SMAP1: variants seen among roughly 807,000 people sequenced by gnomAD.
SMAP1 encodes small ArfGAP 1.
A neutral mutation model predicts 58.5 loss-of-function variants in SMAP1; 24 were observed. That is an observed-to-expected ratio of 0.41 (90% CI 0.30 to 0.58). The LOEUF (loss-of-function observed/expected upper bound fraction) is 0.58. Among genes scored for constraint, SMAP1 ranks in the 20% least tolerant of loss-of-function variants. The pLI is 0.29. For missense variants in SMAP1, 563 were observed against 566.3 expected (o/e 0.99, Z 0.06); for synonymous variants, 216 against 196.6 (o/e 1.10, Z -0.82).
chr6:70,788,935 G>A (rs1377704474), intron 4 of SMAP1, among the ~76,000 whole-genome samples: 1 of 152,158 alleles, frequency 6.6e-6, no homozygotes, highest in Non-Finnish European at 1.5e-5. Context: ...AGACCAGTTA[G>A]GAGGACTAAT....
chr6:70,857,068 A>G (rs1381356179), intron 9 of SMAP1, 38 bp downstream of exon 9: 15 of 1,549,336 alleles, frequency 9.7e-6, no homozygotes, highest in Non-Finnish European at 1.3e-5. Context: ...TGACATTACT[A>G]GAAGTACATC....
intron 6 of SMAP1, among the ~76,000 whole-genome samples, chr6:70,809,355 T>G (rs1329768199): frequency 6.6e-6 from 1 of 152,212 alleles, no homozygotes; most frequent in Non-Finnish European, 1.5e-5. Flanking sequence ...TGAACAAACC[T>G]TTTATGTTAA....
intron 4 of SMAP1, among the ~76,000 whole-genome samples, chr6:70,786,037 C>T (rs1276086103): frequency 6.6e-6 from 1 of 152,142 alleles, no homozygotes; most frequent in Non-Finnish European, 1.5e-5. Context: ...GATGAACATA[C>T]ATGCAAAAAT....
At chr6:70,743,347 A>G (rs557715687) in intron 2 of SMAP1, among the ~76,000 whole-genome samples, 1 of 152,216 alleles carries the variant, frequency 6.6e-6, no homozygotes, top group East Asian at 1.9e-4. Flanking sequence ...TAGTTTTTCT[A>G]CCTATGCCTT....
At chr6:70,822,630 T>G (rs1284038479) in intron 6 of SMAP1, among the ~76,000 whole-genome samples, 1 of 152,184 alleles carries the variant, frequency 6.6e-6, no homozygotes, top group Admixed American at 6.5e-5. Flanking sequence ...GGGTATAATT[T>G]TTTGGCCTTT....
rs1247148860 is a variant in SMAP1 at position 70,860,909 on chromosome 6, C to G, written c.*575C>G. ...GATAAACGTGGATGTTACTCCAAAACTTCGTTTAATGAATGCTTAAAGAAT... is the reference window on the plus strand; with the variant it reads ...GATAAACGTGGATGTTACTCCAAAAGTTCGTTTAATGAATGCTTAAAGAAT... On this transcript the variant is annotated 3_prime_UTR_variant, in exon 11 of 11. Transcript: ENST00000370455. 2.6e-6 allele frequency: 1 copy of G among 386,516 alleles called. No individual in the cohort carries two copies. Among genetic ancestry groups the G allele is most frequent in the African/African-American group, 2.1e-5 (1 of 48,348 alleles). The allele number at this position is 386,516 out of a possible 1,614,324, so 23.9% of individuals were successfully genotyped here.
Position 70,725,093 on chromosome 6 carries a change from G to GTTTTTTTTTTTTTTTTTTTTTT in SMAP1, c.119-7265_119-7244dup. ...GACTCCATATCCTAAATTAACCAGT[G>GTTTTTTTTTTTTTTTTTTTTTT]TTTTTTTTTTTTTTTTTTTTTTTTT... On this transcript the variant is annotated intron_variant, in intron 1 of 10. Transcript: ENST00000370455. 4.2e-5 allele frequency among the ~76,000 whole-genome samples: 2 copies of GTTTTTTTTTTTTTTTTTTTTTT among 47,822 alleles called. 1 individual carries two copies. Among genetic ancestry groups the GTTTTTTTTTTTTTTTTTTTTTT allele is most frequent in the Non-Finnish European group, 8.0e-5 (2 of 24,998 alleles). 31.4% of individuals were successfully genotyped at this position (47,822 alleles called of 152,430 possible).
chr6:70,729,479 G>A (rs1765336428), intron 1 of SMAP1, among the ~76,000 whole-genome samples: 1 of 150,714 alleles, frequency 6.6e-6, no homozygotes, highest in Non-Finnish European at 1.5e-5. Flanking sequence ...GTGTGTGTGT[G>A]TGTGTGTGTG....
intron 6 of SMAP1, among the ~76,000 whole-genome samples, chr6:70,803,032 G>T (rs1401649034): frequency 6.6e-6 from 1 of 152,186 alleles, no homozygotes; most frequent in Non-Finnish European, 1.5e-5. Flanking sequence ...AAATGAGTTA[G>T]GGAGGATTCC....
At chr6:70,823,049 A>G (rs1769959444) in intron 6 of SMAP1, among the ~76,000 whole-genome samples, 1 of 152,014 alleles carries the variant, frequency 6.6e-6, no homozygotes, top group African/African-American at 2.4e-5. Context: ...TACTTTTTCC[A>G]TTAGAGCCCT....
intron 2 of SMAP1, among the ~76,000 whole-genome samples, chr6:70,740,599 C>G (rs754808202): frequency 6.6e-6 from 1 of 152,012 alleles, no homozygotes; most frequent in Non-Finnish European, 1.5e-5. Flanking sequence ...AATTTTGAGT[C>G]AATTCCCAGG....
At chr6:70,793,441 G>A (rs1391893934) in intron 5 of SMAP1, among the ~76,000 whole-genome samples, 1 of 152,080 alleles carries the variant, frequency 6.6e-6, no homozygotes, top group Non-Finnish European at 1.5e-5. Context: ...TTTCTATCTT[G>A]AACATCTTAG....
chr6:70,753,808 C>G (rs1766378205), intron 2 of SMAP1, among the ~76,000 whole-genome samples: 1 of 151,810 alleles, frequency 6.6e-6, no homozygotes, highest in South Asian at 2.1e-4. Flanking sequence ...TGCCCTCCGC[C>G]CCCCGCCCAT....
At chr6:70,724,178 T>C (rs1217089111) in intron 1 of SMAP1, among the ~76,000 whole-genome samples, 2 of 152,000 alleles carry the variant, frequency 1.3e-5, no homozygotes, top group Non-Finnish European at 2.9e-5. Context: ...TTTGTTTTTT[T>C]TCTTTTTTTA....
At chr6:70,672,428 G>A (rs1186724808) in intron 1 of SMAP1, among the ~76,000 whole-genome samples, 1 of 152,112 alleles carries the variant, frequency 6.6e-6, no homozygotes. Flanking sequence ...CTTTTCAAGG[G>A]AAATAATTCT....
Position 70,667,912 on chromosome 6 carries a change from TG to T in SMAP1, c.-109del. On this transcript the variant is annotated 5_prime_UTR_variant, in exon 1 of 11. Transcript: ENST00000370455. The stretch of plus-strand genomic sequence containing the variant: ...CGTTCCAGCTGCCGCTGCCGCTTCC[TG>T]GGCTGAGTCCGCCCGCGGTCCCGGC... 1 of 871,048 alleles carries T rather than the reference TG, an allele frequency of 1.1e-6. No individual in the cohort carries two copies. The highest frequency in any genetic ancestry group is 1.7e-6 in the Non-Finnish European group (1 of 590,750). The allele number at this position is 871,048 out of a possible 1,614,324, so 54.0% of individuals were successfully genotyped here.
chr6:70,815,553 G>T (rs148184561), intron 6 of SMAP1, among the ~76,000 whole-genome samples: 87 of 152,248 alleles, frequency 5.7e-4, no homozygotes, highest in African/African-American at 1.9e-3. Flanking sequence ...GCAGATTGCC[G>T]AGCAGGTGAC....
At chr6:70,732,961 C>A (rs1314402184) in intron 2 of SMAP1, among the ~76,000 whole-genome samples, 1 of 152,158 alleles carries the variant, frequency 6.6e-6, no homozygotes, top group African/African-American at 2.4e-5. Flanking sequence ...AACAAATGTT[C>A]TTATGACCAA....
intron 1 of SMAP1, among the ~76,000 whole-genome samples, chr6:70,707,033 C>T (rs1283152551): frequency 6.6e-6 from 1 of 152,022 alleles, no homozygotes; most frequent in Non-Finnish European, 1.5e-5. Flanking sequence ...CTGGGTTTTT[C>T]TTTGATTTTT....
Sources: gnomAD v4.1 joint callset for allele counts (sites outside exome capture counted in the v4.1 genomes callset) on GRCh38, gnomAD v4.1.1 for gene constraint, MANE v1.5 for transcripts, NCBI Gene and HGNC (gene_info 2026-07-23, HGNC 2026-07-21) for gene names.